Variants in PTPRT observed in about 807,000 individuals in gnomAD.
PTPRT encodes the protein protein tyrosine phosphatase receptor type T.
In PTPRT, 56 loss-of-function variants were observed where a neutral mutation model predicts 176.8. The observed-to-expected ratio is 0.32, with a 90% CI of 0.26 to 0.40. PTPRT has a LOEUF of 0.40. Among genes scored for constraint, PTPRT ranks in the 10% least tolerant of loss-of-function variants. PTPRT has a pLI of 1.00. For synonymous variants in PTPRT, 783 were observed against 739.0 expected, an observed-to-expected ratio of 1.06 and a Z score of -0.96; for missense variants, 1,540 against 1,908.2, an observed-to-expected ratio of 0.81 and a Z score of 3.60.
At chr20:42,809,450 AC>A (rs1355845397) in intron 2 of PTPRT, among the ~76,000 whole-genome samples, 1 of 151,968 alleles carries the variant, frequency 6.6e-6, no homozygotes, top group African/African-American at 2.4e-5. Context: ...GAAGACAGAA[AC>A]CCTGGCTTGG....
At chr20:43,087,385 TTTTC>T (rs774617078) in intron 1 of PTPRT, among the ~76,000 whole-genome samples, 1,732 of 51,294 alleles carry the variant, frequency 0.034, 56 homozygotes, top group African/African-American at 0.073. Context: ...TTTTTTTTTT[TTTTC>T]TCCGAAACAG....
chr20:43,023,847 A>C (rs1414627299), intron 1 of PTPRT, among the ~76,000 whole-genome samples: 1 of 152,126 alleles, frequency 6.6e-6, no homozygotes, highest in African/African-American at 2.4e-5. Context: ...CAGATGTCTC[A>C]TCAAAGTGCC....
At chr20:42,216,970 G>T (rs1291706001) in intron 15 of PTPRT, among the ~76,000 whole-genome samples, 2 of 152,172 alleles carry the variant, frequency 1.3e-5, no homozygotes, top group African/African-American at 4.8e-5. Context: ...GTTCCTAGGA[G>T]ACGCTAGGTT....
At chr20:42,692,984 G>C (rs753569860) in intron 6 of PTPRT, among the ~76,000 whole-genome samples, 9 of 152,120 alleles carry the variant, frequency 5.9e-5, no homozygotes, top group African/African-American at 7.2e-5. Flanking sequence ...GGTAATATGG[G>C]TGTACATGTA....
intron 7 of PTPRT, among the ~76,000 whole-genome samples, chr20:42,644,613 T>C (rs1218449007): frequency 6.6e-6 from 1 of 152,052 alleles, no homozygotes; most frequent in African/African-American, 2.4e-5. Flanking sequence ...TGACCCTGGG[T>C]CTTCCTCATC....
intron 1 of PTPRT, among the ~76,000 whole-genome samples, chr20:43,082,924 C>G (rs561875008): frequency 1.1e-4 from 16 of 152,082 alleles, no homozygotes; most frequent in Admixed American, 9.8e-4. Flanking sequence ...AACCGACCAC[C>G]TGCTTCCTGC....
At position 43,101,993 on chromosome 20, in the gene PTPRT, T is replaced by C. The variant is rs115735040; in HGVS notation, c.88+87653A>G. Among the ~76,000 whole-genome samples the C allele has an allele frequency of 1.7e-3, 262 of 152,254 alleles. 2 individuals are homozygous for C. The highest frequency in any genetic ancestry group is 6.0e-3 in the African/African-American group (248 of 41,548). On this transcript the variant is annotated intron_variant, in intron 1 of 30. Transcript: ENST00000373187. The stretch of plus-strand genomic sequence containing the variant: ...AGGTTCAGCATCTGGTAAAGACCTA[T>C]TCATCATAGATGGCACCATCTAGGT...
intron 27 of PTPRT, among the ~76,000 whole-genome samples, 192 bp downstream of exon 27, chr20:42,098,229 G>T (rs561240782): frequency 3.4e-5 from 5 of 148,778 alleles, no homozygotes; most frequent in South Asian, 4.5e-4. Context: ...AGTCTTTGCT[G>T]GAGGTCTGGG....
In PTPRT at chr20:42,718,486, G is replaced by A. The variant is rs557974730; in HGVS notation, c.859+37976C>T. 1.1e-4 allele frequency among the ~76,000 whole-genome samples: 17 copies of A among 152,254 alleles called. No homozygotes were observed. The South Asian group carries it at 3.1e-3, about 28-fold the overall frequency. Reference sequence around the variant, plus strand: ...CAGGGGGCGGAGCTTGCAGTGGGCCGAGATTGCGCCACTGCACTCCAGCCT... The same window carrying A: ...CAGGGGGCGGAGCTTGCAGTGGGCCAAGATTGCGCCACTGCACTCCAGCCT... On this transcript the variant is annotated intron_variant, in intron 6 of 30. Coordinates refer to ENST00000373187, the MANE Select transcript of PTPRT (RefSeq NM_007050.6).
chr20:42,229,849 G>A (rs1156604256), intron 15 of PTPRT, among the ~76,000 whole-genome samples: 2 of 151,914 alleles, frequency 1.3e-5, no homozygotes, highest in African/African-American at 4.9e-5. Context: ...TCTAAAAAAT[G>A]ATGTCATTTT....
chr20:43,144,096 A>G (rs2014096975), intron 1 of PTPRT, among the ~76,000 whole-genome samples: 1 of 152,168 alleles, frequency 6.6e-6, no homozygotes, highest in African/African-American at 2.4e-5. Context: ...GCCCTTCTCA[A>G]TGCACAGATA....
intron 9 of PTPRT, among the ~76,000 whole-genome samples, chr20:42,394,725 GA>G (rs1037176023): frequency 2.6e-5 from 4 of 152,106 alleles, no homozygotes; most frequent in African/African-American, 9.7e-5. Flanking sequence ...ACTTTCAGAA[GA>G]ATCAAAACTA....
At chr20:43,025,607 C>A (rs553862034) in intron 1 of PTPRT, among the ~76,000 whole-genome samples, 2 of 152,286 alleles carry the variant, frequency 1.3e-5, no homozygotes, top group East Asian at 3.9e-4. Flanking sequence ...AGTTTCCTAC[C>A]TTTCAGAATA....
intron 18 of PTPRT, among the ~76,000 whole-genome samples, chr20:42,131,107 A>T (rs1261314557): frequency 1.3e-5 from 2 of 152,214 alleles, no homozygotes; most frequent in African/African-American, 4.8e-5. Flanking sequence ...CTCTGCCCAC[A>T]TAACTTGCTG....
intron 14 of PTPRT, among the ~76,000 whole-genome samples, chr20:42,244,371 C>A (rs1422840883): frequency 6.6e-6 from 1 of 152,118 alleles, no homozygotes; most frequent in Non-Finnish European, 1.5e-5. Context: ...ACAGAAGTTT[C>A]CATTTGGACA....
chr20:42,642,122 G>C (rs1432020700), intron 7 of PTPRT, among the ~76,000 whole-genome samples: 1 of 152,190 alleles, frequency 6.6e-6, no homozygotes, highest in African/African-American at 2.4e-5. Context: ...GGGGAGACAA[G>C]TGAGTGCCAA....
chr20:42,544,671 G>C (rs1405444145), intron 7 of PTPRT, among the ~76,000 whole-genome samples: 1 of 152,158 alleles, frequency 6.6e-6, no homozygotes, highest in African/African-American at 2.4e-5. Flanking sequence ...AGAGCACAGA[G>C]AGTAGCCTGG....
chr20:42,814,978 T>C (rs959831828), intron 2 of PTPRT, among the ~76,000 whole-genome samples: 1 of 151,742 alleles, frequency 6.6e-6, no homozygotes, highest in Non-Finnish European at 1.5e-5. Context: ...GTAAGAAAAA[T>C]GAAGAGTTAA....
chr20:42,431,942 A>G (rs2059218789), intron 9 of PTPRT, among the ~76,000 whole-genome samples: 1 of 152,242 alleles, frequency 6.6e-6, no homozygotes, highest in South Asian at 2.1e-4. Context: ...TGCCTCTCAC[A>G]ACAGCAGATA....
Sources: allele counts gnomAD v4.1 joint callset (sites outside exome capture counted in the v4.1 genomes callset), GRCh38; gene constraint gnomAD v4.1.1; transcripts MANE v1.5; gene names NCBI Gene and HGNC (gene_info 2026-07-23, HGNC 2026-07-21).